LRMDA: variants seen among roughly 807,000 people sequenced by gnomAD.
The protein encoded by LRMDA is leucine rich melanocyte differentiation associated.
LRMDA carries 18 observed loss-of-function variants against 29.8 expected under a neutral mutation model. That is an observed-to-expected ratio of 0.60 (90% confidence interval 0.42 to 0.90). The LOEUF (loss-of-function observed/expected upper bound fraction) is 0.90, where lower values mean the gene tolerates loss of function less well. Among genes scored for constraint, LRMDA ranks in the 40% least tolerant of loss-of-function variants. The pLI is 0.00. For synonymous variants in LRMDA, 125 were observed against 109.4 expected (o/e 1.14, Z -0.89); for missense variants, 273 against 273.9 (o/e 1.00, Z 0.02).
intron 2 of LRMDA, among the ~76,000 whole-genome samples, chr10:75,883,065 C>T (rs1003394663): frequency 6.6e-6 from 1 of 152,192 alleles, no homozygotes; most frequent in Non-Finnish European, 1.5e-5. Context: ...CACAATCCCC[C>T]AGGTCAGGAA....
chr10:76,453,740 G>T (rs548026143), intron 6 of LRMDA, among the ~76,000 whole-genome samples: 36 of 152,334 alleles, frequency 2.4e-4, no homozygotes, highest in Middle Eastern at 3.4e-3. Flanking sequence ...TAGCTCAGCA[G>T]TTGGATGTAG....
chr10:76,050,725 A>C (rs1848516809), intron 4 of LRMDA, among the ~76,000 whole-genome samples: 1 of 152,234 alleles, frequency 6.6e-6, no homozygotes, highest in Non-Finnish European at 1.5e-5. Flanking sequence ...TGTGGATTTC[A>C]ACGCTAGCCA....
intron 6 of LRMDA, among the ~76,000 whole-genome samples, chr10:76,373,526 A>G (rs1406666541): frequency 1.3e-5 from 2 of 152,158 alleles, no homozygotes; most frequent in Non-Finnish European, 2.9e-5. Flanking sequence ...AGGGAAAGTC[A>G]TAGTTAATTA....
At chr10:76,249,558 A>G (rs1273819389) in intron 5 of LRMDA, among the ~76,000 whole-genome samples, 1 of 152,256 alleles carries the variant, frequency 6.6e-6, no homozygotes, top group Non-Finnish European at 1.5e-5. Flanking sequence ...TCCTACAGCC[A>G]AGAGAAAACT....
At chr10:76,431,076 C>T (rs184416829) in intron 6 of LRMDA, among the ~76,000 whole-genome samples, 231 of 152,224 alleles carry the variant, frequency 1.5e-3, no homozygotes, top group African/African-American at 5.4e-3. Context: ...CTCTACAGTT[C>T]AAGGCTTTGG....
chr10:76,550,912 G>C (rs866774671), intron 6 of LRMDA, among the ~76,000 whole-genome samples: 5 of 152,132 alleles, frequency 3.3e-5, no homozygotes, highest in African/African-American at 1.2e-4. Flanking sequence ...CATTTCTCAG[G>C]CTCCACTAAA....
At chr10:75,454,834 G>T (rs749742357) in intron 2 of LRMDA, among the ~76,000 whole-genome samples, 1 of 152,208 alleles carries the variant, frequency 6.6e-6, no homozygotes, top group Non-Finnish European at 1.5e-5. Flanking sequence ...CTTACCTGGG[G>T]TATAGAAAAA....
intron 2 of LRMDA, among the ~76,000 whole-genome samples, chr10:75,990,639 A>C (rs547912973): frequency 6.6e-6 from 1 of 152,330 alleles, no homozygotes; most frequent in South Asian, 2.1e-4. Context: ...GCTCCCTGTG[A>C]AATATGAGCC....
chr10:76,058,556 T>TA (rs1473381543), intron 4 of LRMDA, 110 bp from the exon 5 acceptor site: 1 of 881,200 alleles, frequency 1.1e-6, no homozygotes, highest in Non-Finnish European at 1.9e-6. Context: ...AGCCAAGGTC[T>TA]AAGTTCCAGA....
chr10:75,671,425 G>A (rs1841889978), intron 2 of LRMDA, among the ~76,000 whole-genome samples: 1 of 152,066 alleles, frequency 6.6e-6, no homozygotes, highest in South Asian at 2.1e-4. Context: ...ATCTCCTTGA[G>A]CTTTTCTTTA....
At chr10:76,271,732 A>G (rs986345940) in intron 5 of LRMDA, among the ~76,000 whole-genome samples, 4 of 152,204 alleles carry the variant, frequency 2.6e-5, no homozygotes, top group Non-Finnish European at 5.9e-5. Flanking sequence ...AAATGGCATT[A>G]TAAGAAGCTG....
At chr10:75,625,229 C>T (rs541921485) in intron 2 of LRMDA, among the ~76,000 whole-genome samples, 15 of 152,322 alleles carry the variant, frequency 9.8e-5, no homozygotes, top group South Asian at 4.1e-4. Flanking sequence ...TGCATACAAG[C>T]ACTGTTTTCA....
chr10:76,487,933 A>G lies in LRMDA; in HGVS notation c.602-69276A>G, dbSNP rs532338934. ...CAGTTTCCTTATTTCTAAATTAAGG[A>G]TAATAATCTGGTAGAATGTGTGTGA... On this transcript the variant is annotated intron_variant, in intron 6 of 6. Coordinates refer to ENST00000611255, the MANE Select transcript of LRMDA (RefSeq NM_001305581.2). Among the ~76,000 whole-genome samples, 22 of 152,030 alleles carry G rather than the reference A, an allele frequency of 1.4e-4. No individual in the cohort carries two copies. The East Asian group carries it at 3.3e-3, about 23-fold the overall frequency.
intron 2 of LRMDA, among the ~76,000 whole-genome samples, chr10:75,721,508 G>GTCAA (rs929425676): frequency 1.3e-5 from 2 of 152,092 alleles, no homozygotes; most frequent in African/African-American, 4.8e-5. Flanking sequence ...AACAGCTGTG[G>GTCAA]TCAAGTCCCT....
At chr10:76,014,146 T>TA in intron 2 of LRMDA, among the ~76,000 whole-genome samples, 1 of 72,986 alleles carries the variant, frequency 1.4e-5, no homozygotes, top group African/African-American at 4.3e-5. Context: ...ATATATATAA[T>TA]TATATATATA....
rs549276518 is a variant in LRMDA at position 75,886,126 on chromosome 10, A to G, written c.132-149882A>G. On this transcript the variant is annotated intron_variant, in intron 2 of 6. Coordinates refer to ENST00000611255, the MANE Select transcript of LRMDA (RefSeq NM_001305581.2). ...GCTGAAATCTCTTGTACATAACAGA[A>G]AGTGACAACCAGCAGCCCCATCTTC... 3.8e-4 allele frequency among the ~76,000 whole-genome samples: 58 copies of G among 152,330 alleles called. 1 individual carries two copies. In the South Asian group the frequency reaches 5.6e-3, roughly 15 times the overall value.
chr10:75,803,292 G>C (rs2132263622), intron 2 of LRMDA, among the ~76,000 whole-genome samples: 1 of 152,322 alleles, frequency 6.6e-6, no homozygotes, highest in South Asian at 2.1e-4. Flanking sequence ...CTGCAAGTGA[G>C]TGTGTAAGGT....
In LRMDA at chr10:75,580,664, A is replaced by C. The variant is rs185901650; in HGVS notation, c.131+142170A>C. Among the ~76,000 whole-genome samples, 377 of 152,330 alleles carry C rather than the reference A, an allele frequency of 2.5e-3. 2 individuals carry two copies. Among genetic ancestry groups the C allele is most frequent in the African/African-American group, 8.6e-3 (358 of 41,562 alleles). The stretch of plus-strand genomic sequence containing the variant: ...GGAGGCATCATGCCACCTGACTTCA[A>C]ACTATACTACAAGGCTACAGTAACC... On this transcript the variant is annotated intron_variant, in intron 2 of 6. Transcript: ENST00000611255.
At chr10:75,708,293 A>G (rs887223765) in intron 2 of LRMDA, among the ~76,000 whole-genome samples, 12 of 152,160 alleles carry the variant, frequency 7.9e-5, no homozygotes, top group South Asian at 2.1e-4. Context: ...TCTCTCTCTC[A>G]TAACACATTC....
Sources: gnomAD v4.1 joint callset for allele counts (sites outside exome capture counted in the v4.1 genomes callset) on GRCh38, gnomAD v4.1.1 for gene constraint, MANE v1.5 for transcripts, NCBI Gene and HGNC (gene_info 2026-07-23, HGNC 2026-07-21) for gene names.